Variants in GRIA4 observed in about 807,000 individuals in gnomAD.
GRIA4 encodes glutamate ionotropic receptor AMPA type subunit 4.
In GRIA4, 34 loss-of-function variants were observed where a neutral mutation model predicts 104.0. The ratio of observed to expected loss-of-function variants is 0.33; its 90% CI spans 0.25 to 0.44. GRIA4 has a LOEUF of 0.44. Among genes scored for constraint, GRIA4 ranks in the 20% least tolerant of loss-of-function variants. The pLI, the probability that GRIA4 is intolerant of heterozygous loss-of-function variation, is 1.00. For synonymous variants in GRIA4, 386 were observed against 381.9 expected (o/e 1.01, Z -0.13); for missense variants, 750 against 1,096.5 (o/e 0.68, Z 4.46).
chr11:105,644,999 A>G (rs900293091), intron 3 of GRIA4, among the ~76,000 whole-genome samples: 1 of 152,142 alleles, frequency 6.6e-6, no homozygotes, highest in African/African-American at 2.4e-5. Context: ...AGGAGAAACG[A>G]GAAACTTCCA....
intron 4 of GRIA4, among the ~76,000 whole-genome samples, chr11:105,753,909 C>G (rs1336680084): frequency 3.3e-5 from 5 of 152,148 alleles, no homozygotes; most frequent in Middle Eastern, 3.4e-3. Flanking sequence ...CCATGCCCTT[C>G]CCAGGTGAGC....
In GRIA4 at chr11:105,661,482, G is replaced by C. The variant is rs1405123013; in HGVS notation, c.247+49048G>C. On this transcript the variant is annotated intron_variant, in intron 3 of 16. Coordinates refer to ENST00000282499, the MANE Select transcript of GRIA4 (RefSeq NM_000829.4). The stretch of plus-strand genomic sequence containing the variant: ...AGTTTTGGGGAAAAATTCATTTTGA[G>C]ATAAGTAGAAAAATGTGAAGATGGG... Among the ~76,000 whole-genome samples the C allele has an allele frequency of 4.0e-5, 6 of 151,572 alleles. No individual in the cohort carries two copies. In the East Asian group the frequency reaches 1.2e-3, roughly 29 times the overall value.
intron 3 of GRIA4, among the ~76,000 whole-genome samples, chr11:105,644,193 G>T (rs924433612): frequency 3.3e-5 from 5 of 152,200 alleles, no homozygotes; most frequent in African/African-American, 1.2e-4. Context: ...ATTATTGAAA[G>T]ATTTTTTCGG....
At chr11:105,855,512 A>G (rs1049845857) in intron 4 of GRIA4, among the ~76,000 whole-genome samples, 12 of 152,146 alleles carry the variant, frequency 7.9e-5, no homozygotes, top group African/African-American at 2.4e-4. Flanking sequence ...TAAAACAGAT[A>G]AAAGAAAAAG....
chr11:105,820,441 C>T (rs940504720), intron 4 of GRIA4, among the ~76,000 whole-genome samples: 1 of 152,024 alleles, frequency 6.6e-6, no homozygotes, highest in Non-Finnish European at 1.5e-5. Flanking sequence ...TATCTTTGGT[C>T]ATAGGGAAAA....
chr11:105,869,646 G>A (rs1168914774), intron 5 of GRIA4, among the ~76,000 whole-genome samples: 3 of 152,052 alleles, frequency 2.0e-5, no homozygotes, highest in Non-Finnish European at 4.4e-5. Context: ...ACCCTTTTCT[G>A]AGTCTTGTAA....
At chr11:105,732,460 A>G (rs1938659369) in intron 3 of GRIA4, among the ~76,000 whole-genome samples, 1 of 152,154 alleles carries the variant, frequency 6.6e-6, no homozygotes, top group East Asian at 1.9e-4. Context: ...GATGCCTACA[A>G]GCCGTCATGG....
chr11:105,674,302 C>A (rs562187168), intron 3 of GRIA4, among the ~76,000 whole-genome samples: 3 of 151,810 alleles, frequency 2.0e-5, no homozygotes, highest in South Asian at 2.1e-4. Context: ...GATTAAATAA[C>A]AATTTTGCTA....
intron 4 of GRIA4, among the ~76,000 whole-genome samples, chr11:105,788,763 T>A (rs748353): frequency 0.13 from 19,616 of 151,972 alleles, 1,378 homozygotes; most frequent in Admixed American, 0.22. Context: ...TTGGGGATAG[T>A]GAGGGTTGAA....
At chr11:105,847,600 T>C (rs897229117) in intron 4 of GRIA4, among the ~76,000 whole-genome samples, 7 of 152,178 alleles carry the variant, frequency 4.6e-5, no homozygotes, top group African/African-American at 9.7e-5. Context: ...AAGAGCCAGA[T>C]GGTGAAGTGG....
chr11:105,791,859 G>C (rs569623940), intron 4 of GRIA4, among the ~76,000 whole-genome samples: 1 of 152,258 alleles, frequency 6.6e-6, no homozygotes, highest in South Asian at 2.1e-4. Context: ...ATGCTGTATA[G>C]CATTAAAGCT....
At chr11:105,786,144 C>CAAAAAAAAAAAAAA (rs34888562) in intron 4 of GRIA4, among the ~76,000 whole-genome samples, 4 of 89,268 alleles carry the variant, frequency 4.5e-5, no homozygotes, top group Admixed American at 1.5e-4. Context: ...GACCCTTTCT[C>CAAAAAAAAAAAAAA]AAAAAAAAAA....
intron 4 of GRIA4, among the ~76,000 whole-genome samples, chr11:105,764,953 T>G (rs1940862664): frequency 6.6e-6 from 1 of 152,106 alleles, no homozygotes; most frequent in African/African-American, 2.4e-5. Context: ...GACATGTAGT[T>G]GTCAGAATGA....
At chr11:105,767,262 T>C (rs1940987512) in intron 4 of GRIA4, among the ~76,000 whole-genome samples, 1 of 152,122 alleles carries the variant, frequency 6.6e-6, no homozygotes, top group Admixed American at 6.6e-5. Context: ...TGATCAGGAA[T>C]GCTTGTTCCC....
chr11:105,731,211 G>C lies in GRIA4; in HGVS notation c.248-21770G>C, dbSNP rs535693605. Among the ~76,000 whole-genome samples the C allele has an allele frequency of 4.1e-3, 629 of 152,186 alleles. 5 individuals are homozygous for C. The highest frequency in any genetic ancestry group is 0.014 in the African/African-American group (584 of 41,528). ...AAACAAACAGCCCCATCAAAAATGGGCAAAATATATGAACATACGCTTTTC... is the reference window on the plus strand; with the variant it reads ...AAACAAACAGCCCCATCAAAAATGGCCAAAATATATGAACATACGCTTTTC... On this transcript the variant is annotated intron_variant, in intron 3 of 16. Coordinates refer to ENST00000282499, the MANE Select transcript of GRIA4 (RefSeq NM_000829.4).
chr11:105,873,427 G>A (rs1278729933), intron 5 of GRIA4, among the ~76,000 whole-genome samples: 1 of 151,920 alleles, frequency 6.6e-6, no homozygotes, highest in African/African-American at 2.4e-5. Flanking sequence ...TAATCCTTTG[G>A]GTATATATAC....
At chr11:105,916,702 C>T (rs1415327639) in intron 10 of GRIA4, among the ~76,000 whole-genome samples, 1 of 152,068 alleles carries the variant, frequency 6.6e-6, no homozygotes, top group Non-Finnish European at 1.5e-5. Flanking sequence ...GAAACTTGCA[C>T]ACACAAACTA....
intron 14 of GRIA4, among the ~76,000 whole-genome samples, chr11:105,971,686 T>C (rs1055269743): frequency 1.3e-5 from 2 of 152,124 alleles, no homozygotes; most frequent in African/African-American, 4.8e-5. Flanking sequence ...TTCACAGTAA[T>C]TGCATACATT....
intron 4 of GRIA4, among the ~76,000 whole-genome samples, chr11:105,772,501 G>T (rs544571853): frequency 1.2e-4 from 18 of 152,120 alleles, no homozygotes; most frequent in South Asian, 4.2e-4. Flanking sequence ...TCTCTTTATT[G>T]AAAGAATATA....
Sources: gnomAD v4.1 joint callset for allele counts (sites outside exome capture counted in the v4.1 genomes callset) on GRCh38, gnomAD v4.1.1 for gene constraint, MANE v1.5 for transcripts, NCBI Gene and HGNC (gene_info 2026-07-23, HGNC 2026-07-21) for gene names.